Variants in PRR5 observed in about 807,000 individuals in gnomAD.
PRR5 encodes the protein proline-rich protein 5.
In PRR5, 25 loss-of-function variants were observed where a neutral mutation model predicts 30.6. That is an observed-to-expected ratio of 0.82 (90% confidence interval 0.60 to 1.14). The LOEUF is 1.14. PRR5 is among the 50% of genes most tolerant of loss of function. The pLI is 0.00. For missense variants in PRR5, 600 were observed against 547.1 expected (o/e 1.10, Z -0.96); for synonymous variants, 286 against 247.1 (o/e 1.16, Z -1.48).
intron 6 of PRR5, among the ~76,000 whole-genome samples, chr22:44,732,946 T>TACTACACACGTGC (rs1569112038): frequency 4.1e-4 from 42 of 102,394 alleles, no homozygotes; most frequent in African/African-American, 1.1e-3. Context: ...TACACACGTG[T>TACTACACACGTGC]GCACACATAC....
Position 44,719,605 on chromosome 22 carries a change from C to T in PRR5, c.215+4934C>T, listed in dbSNP as rs542601499. Among the ~76,000 whole-genome samples the T allele has an allele frequency of 1.2e-4, 18 of 152,310 alleles. No homozygotes were observed. The South Asian group carries it at 3.3e-3, about 28-fold the overall frequency. On this transcript the variant is annotated intron_variant, in intron 2 of 7. Coordinates refer to ENST00000336985, the MANE Select transcript of PRR5 (RefSeq NM_181333.4). ...TAGTGGCCTGGGCTGCTATGTGCCG[C>T]CTGTGTTGTCCGTGCAGAATACAGC...
Position 44,737,002 on chromosome 22 carries a change from AGGTCCTCCCCG to A in PRR5, c.924_934del (p.Arg308SerfsTer19), listed in dbSNP as rs1483258331. Reference sequence around the variant, plus strand: ...CGGCCAGGGCCCCACCGGGACCTTCAGGTCCTCCCCGGCGCCCCACTCAGGGCCCTGCCCCA... The same window carrying A: ...CGGCCAGGGCCCCACCGGGACCTTCAGCGCCCCACTCAGGGCCCTGCCCCA... On this transcript the variant is annotated frameshift_variant, in exon 8 of 8. Transcript: ENST00000336985. LOFTEE classifies it low-confidence loss of function (END_TRUNC). The A allele has an allele frequency of 6.3e-7, 1 of 1,599,776 alleles. No homozygotes were observed. Among genetic ancestry groups the A allele is most frequent in the Non-Finnish European group, 8.5e-7 (1 of 1,173,220 alleles).
upstream of PRR5, among the ~76,000 whole-genome samples, chr22:44,676,125 A>G (rs1032981474): frequency 6.6e-6 from 1 of 152,068 alleles, no homozygotes; most frequent in Non-Finnish European, 1.5e-5. Flanking sequence ...GGCTCATGTC[A>G]GTAACCCCAG....
intron 1 of PRR5, among the ~76,000 whole-genome samples, chr22:44,681,108 G>A (rs1240374583): frequency 6.6e-6 from 1 of 152,184 alleles, no homozygotes; most frequent in Non-Finnish European, 1.5e-5. Context: ...CTGCAGAGCT[G>A]AGGTGCTGAT....
rs1021763925 is a variant in PRR5 at position 44,735,242 on chromosome 22, G to A, written c.691+80G>A. 4.1e-6 allele frequency: 6 copies of A among 1,451,344 alleles called. No individual in the cohort carries two copies. In the African/African-American group the frequency reaches 8.5e-5, roughly 20 times the overall value. 89.9% of individuals were successfully genotyped at this position (1,451,344 alleles called of 1,614,324 possible). A position where few individuals can be genotyped will look rare whatever the true frequency, so the allele number is the denominator to read the frequency against. ...ATTGTGAACAAATGGGCAAGCCGAG[G>A]CCCCACGACAGAACCAGGATCTGAC... On this transcript the variant is annotated intron_variant, in intron 7 of 7. Coordinates refer to ENST00000336985, the MANE Select transcript of PRR5 (RefSeq NM_181333.4).
chr22:44,697,717 C>A (rs185288604), upstream of PRR5, among the ~76,000 whole-genome samples: 1 of 152,226 alleles, frequency 6.6e-6, no homozygotes, highest in Non-Finnish European at 1.5e-5. Flanking sequence ...CTCTCTCTCC[C>A]GCCCAGCCCG....
chr22:44,709,520 G>A (rs564722158), intron 1 of PRR5, among the ~76,000 whole-genome samples: 28 of 152,164 alleles, frequency 1.8e-4, no homozygotes, highest in Non-Finnish European at 2.6e-4. Context: ...CAGAAGGAAC[G>A]GCCCCACCAA....
At chr22:44,735,474 C>A (rs187795278) in intron 7 of PRR5, among the ~76,000 whole-genome samples, 1 of 152,206 alleles carries the variant, frequency 6.6e-6, no homozygotes, top group African/African-American at 2.4e-5. Flanking sequence ...TCGGAACATG[C>A]AAATGCCGAA....
At chr22:44,716,463 G>C (rs76026701) in intron 2 of PRR5, among the ~76,000 whole-genome samples, 13,498 of 152,252 alleles carry the variant, frequency 0.089, 777 homozygotes, top group East Asian at 0.26. Flanking sequence ...TAGAGGCCAG[G>C]AGTTTGAGAC....
intron 4 of PRR5, chr22:44,730,719 C>T (rs1921795299): frequency 2.1e-6 from 2 of 960,374 alleles, no homozygotes; most frequent in African/African-American, 1.8e-5. Flanking sequence ...TGACCCTCTG[C>T]ACCCTCTTCT....
chr22:44,692,873 G>T (rs1263740565), intron 1 of PRR5, among the ~76,000 whole-genome samples: 2 of 152,156 alleles, frequency 1.3e-5, no homozygotes, highest in African/African-American at 2.4e-5. Context: ...CTCTCAGCAC[G>T]GGGCCAGGCA....
At chr22:44,669,165 G>A (rs1923276883) in intron 1 of PRR5, among the ~76,000 whole-genome samples, 1 of 150,942 alleles carries the variant, frequency 6.6e-6, no homozygotes, top group South Asian at 2.1e-4. Context: ...CTCTGTGGGT[G>A]GGTCTCCGTC....
At chr22:44,689,492 G>T (rs1925051021) in intron 1 of PRR5, among the ~76,000 whole-genome samples, 1 of 152,212 alleles carries the variant, frequency 6.6e-6, no homozygotes, top group Admixed American at 6.5e-5. Context: ...GGTAAACAAA[G>T]GCTCTAAGTA....
chr22:44,689,794 G>A (rs1173737576), intron 1 of PRR5, among the ~76,000 whole-genome samples: 5 of 152,272 alleles, frequency 3.3e-5, no homozygotes, highest in East Asian at 3.9e-4. Flanking sequence ...GACTACAGGC[G>A]CCCGCCACCA....
intron 2 of PRR5, among the ~76,000 whole-genome samples, chr22:44,723,966 T>C (rs893477129): frequency 6.6e-6 from 1 of 152,246 alleles, no homozygotes; most frequent in Admixed American, 6.5e-5. Context: ...AATCAGAGAC[T>C]GACTTTGAAA....
intron 1 of PRR5, among the ~76,000 whole-genome samples, chr22:44,707,024 C>T (rs1927319645): frequency 6.6e-6 from 1 of 152,174 alleles, no homozygotes; most frequent in Non-Finnish European, 1.5e-5. Context: ...ATCGGGCTCT[C>T]CCAGGCTGGT....
intron 2 of PRR5, among the ~76,000 whole-genome samples, chr22:44,716,945 C>G (rs1213346446): frequency 6.6e-6 from 1 of 152,002 alleles, no homozygotes; most frequent in Non-Finnish European, 1.5e-5. Flanking sequence ...ACCTGTAGTA[C>G]CAGCTACTCA....
intron 1 of PRR5, among the ~76,000 whole-genome samples, chr22:44,687,805 C>CA (rs904271830): frequency 2.8e-4 from 43 of 152,248 alleles, no homozygotes; most frequent in African/African-American, 1.0e-3. Context: ...GATGGAGTCT[C>CA]ACTCCGTCGC....
upstream of PRR5, among the ~76,000 whole-genome samples, chr22:44,675,945 T>C (rs2146930111): frequency 6.6e-6 from 1 of 152,172 alleles, no homozygotes; most frequent in South Asian, 2.1e-4. Flanking sequence ...AATGAGTCTC[T>C]GTGTGGGCGA....
Sources: allele counts gnomAD v4.1 joint callset (sites outside exome capture counted in the v4.1 genomes callset), GRCh38; gene constraint gnomAD v4.1.1; transcripts MANE v1.5; gene names NCBI Gene and HGNC (gene_info 2026-07-23, HGNC 2026-07-21).